Variants in USP44 observed in about 807,000 individuals in gnomAD.
USP44 encodes ubiquitin specific peptidase 44.
Under a neutral mutation model 69.0 loss-of-function variants are expected in USP44, and 61 were observed. The observed-to-expected ratio is 0.88, with a 90% CI of 0.72 to 1.09. The LOEUF is 1.09. USP44 is among the 50% of genes least tolerant of loss of function. The probability of loss-of-function intolerance (pLI) is 0.00; values close to 1 mark genes in which losing one functional copy is unlikely to be tolerated. For missense variants in USP44, 753 were observed against 849.9 expected (o/e 0.89, Z 1.42); for synonymous variants, 297 against 295.4 (o/e 1.01, Z -0.06).
At chr12:95,523,705 A>AAAAAAAAAAAG in intron 4 of USP44, among the ~76,000 whole-genome samples, 1 of 150,826 alleles carries the variant, frequency 6.6e-6, no homozygotes, top group South Asian at 2.1e-4. Context: ...AAAAAAAAAA[A>AAAAAAAAAAAG]AGAGATACAA....
At chr12:95,531,046 C>A (rs2077003686) in intron 2 of USP44, among the ~76,000 whole-genome samples, 1 of 152,092 alleles carries the variant, frequency 6.6e-6, no homozygotes, top group Admixed American at 6.6e-5. Context: ...CGCCTGTAGT[C>A]CCAGCTACTT....
chr12:95,519,683 C>T (rs1278463994), intron 5 of USP44, among the ~76,000 whole-genome samples: 12 of 150,532 alleles, frequency 8.0e-5, no homozygotes, highest in East Asian at 4.1e-4. Flanking sequence ...CCACCCGCCT[C>T]GGCCTCCCAA....
Position 95,533,338 on chromosome 12 carries a change from T to C in USP44, c.919A>G (p.Asn307Asp). ...FRQCFLKLDL[N>D]QWLAMTASEK... The stretch of plus-strand genomic sequence containing the variant: ...CTAGCAGTCATAGCCAGCCATTGGT[T>C]CAGATCAAGCTTTAAAAAACATTGT... The change falls in exon 2 of 6, where the codon AAC becomes GAC. Residue 307 changes from asparagine to aspartate, a missense_variant. Asn to Asp is a conservative substitution (Grantham distance 23). Transcript: ENST00000258499. 1.2e-6 allele frequency: 2 copies of C among 1,614,040 alleles called. No homozygotes were observed. Among genetic ancestry groups the C allele is most frequent in the Non-Finnish European group, 8.5e-7 (1 of 1,179,984 alleles).
intron 1 of USP44, among the ~76,000 whole-genome samples, chr12:95,549,740 G>T (rs1251274863): frequency 6.6e-6 from 1 of 152,178 alleles, no homozygotes; most frequent in Non-Finnish European, 1.5e-5. Flanking sequence ...TTCATCATCA[G>T]TTTTATTCTG....
chr12:95,548,896 C>G lies in USP44; in HGVS notation c.-71+2376G>C, dbSNP rs1310975167. 1 of 152,106 alleles carries G rather than the reference C, an allele frequency of 6.6e-6. No individual in the cohort carries two copies. Among genetic ancestry groups the G allele is most frequent in the African/African-American group, 2.4e-5 (1 of 41,444 alleles). 9.4% of individuals were successfully genotyped at this position (152,106 alleles called of 1,614,324 possible). On this transcript the variant is annotated intron_variant, in intron 1 of 5. Transcript: ENST00000258499. The surrounding 1 kb of genome is among the most constrained non-coding windows in gnomAD (Gnocchi z 4.1). ...GCGCAGCAGGCCCCGCCCCCTCCCA[C>G]AGCCCCACCCCTGCGCCGGCTCTTC...
Position 95,517,696 on chromosome 12 carries a change from C to A in USP44, c.*458G>T. On this transcript the variant is annotated 3_prime_UTR_variant, in exon 6 of 6. Transcript: ENST00000258499. Reference sequence around the variant, plus strand: ...GTGACTGAAGAATATTTAGGTGATACCTTGACATGTCACTTCAATAACTCC... The same window carrying A: ...GTGACTGAAGAATATTTAGGTGATAACTTGACATGTCACTTCAATAACTCC... 6.4e-6 allele frequency: 1 copy of A among 155,206 alleles called. No homozygotes were observed. The highest frequency in any genetic ancestry group is 1.4e-5 in the Non-Finnish European group (1 of 69,804). The allele number at this position is 155,206 out of a possible 1,614,324, so 9.6% of individuals were successfully genotyped here. A position where few individuals can be genotyped will look rare whatever the true frequency, so the allele number is the denominator to read the frequency against.
intron 4 of USP44, among the ~76,000 whole-genome samples, chr12:95,523,689 C>CAAAAAAAAAAAAAAA (rs927669685): frequency 9.0e-5 from 8 of 89,166 alleles, no homozygotes; most frequent in Non-Finnish European, 1.4e-4. Context: ...CTGTCTCTAC[C>CAAAAAAAAAAAAAAA]AAAAAAAAAA....
At position 95,516,888 on chromosome 12, in the gene USP44, T is replaced by A. The variant is rs989391769; in HGVS notation, c.*1266A>T. The A allele has an allele frequency of 1.3e-5, 2 of 152,120 alleles. No individual in the cohort carries two copies. The highest frequency in any genetic ancestry group is 2.9e-5 in the Non-Finnish European group (2 of 68,014). 9.4% of individuals were successfully genotyped at this position (152,120 alleles called of 1,614,324 possible). ...GACTTCAACCTGCAAATAAACCCAC[T>A]TATAAAAAAGGGATACATGATCTTC... is the stretch of plus-strand genomic sequence containing the variant. On this transcript the variant is annotated 3_prime_UTR_variant, in exon 6 of 6. Coordinates refer to ENST00000258499, the MANE Select transcript of USP44 (RefSeq NM_032147.5).
At chr12:95,538,653 G>A (rs1158379680) in intron 1 of USP44, among the ~76,000 whole-genome samples, 1 of 152,164 alleles carries the variant, frequency 6.6e-6, no homozygotes, top group African/African-American at 2.4e-5. Context: ...CACTTACCCT[G>A]TCTACTTATG....
chr12:95,541,447 C>CCAG (rs2077386244), intron 1 of USP44, among the ~76,000 whole-genome samples: 1 of 151,838 alleles, frequency 6.6e-6, no homozygotes, highest in Non-Finnish European at 1.5e-5. Flanking sequence ...GGCACAGTTG[C>CCAG]GTGTGCCTAT....
chr12:95,519,489 G>T (rs1448925205), intron 5 of USP44, among the ~76,000 whole-genome samples: 1 of 142,014 alleles, frequency 7.0e-6, no homozygotes, highest in Non-Finnish European at 1.5e-5. Context: ...ACCCAGGCTG[G>T]AGTACAGTGG....
chr12:95,541,941 G>A (rs2077404757), intron 1 of USP44, among the ~76,000 whole-genome samples: 1 of 143,296 alleles, frequency 7.0e-6, no homozygotes, highest in South Asian at 2.2e-4. Flanking sequence ...CAGCAGTGGT[G>A]TGATCTTGGC....
chr12:95,545,684 G>A (rs1364737084), intron 1 of USP44, among the ~76,000 whole-genome samples: 1 of 152,228 alleles, frequency 6.6e-6, no homozygotes, highest in East Asian at 1.9e-4. Flanking sequence ...GTCAAGCACA[G>A]TGCTTGGTTC....
In USP44 at chr12:95,533,769, CGAAA is replaced by C; in HGVS notation, c.484_487del (p.Phe162GlufsTer22). On this transcript the variant is annotated frameshift_variant, in exon 2 of 6. Coordinates refer to ENST00000258499, the MANE Select transcript of USP44 (RefSeq NM_032147.5). LOFTEE classifies it high-confidence loss of function. Reference sequence around the variant, plus strand: ...AATGGGTGATTGTTCAAACCATGTTCGAAAGATTTTACCCATTAGTATCCTTCTC... The same window carrying C: ...AATGGGTGATTGTTCAAACCATGTTCGATTTTACCCATTAGTATCCTTCTC... The C allele has an allele frequency of 6.2e-7, 1 of 1,614,048 alleles. No homozygotes were observed. The highest frequency in any genetic ancestry group is 8.5e-7 in the Non-Finnish European group (1 of 1,180,018).
intron 3 of USP44, among the ~76,000 whole-genome samples, chr12:95,525,048 A>T (rs1227998444): frequency 6.6e-6 from 1 of 152,224 alleles, no homozygotes; most frequent in Non-Finnish European, 1.5e-5. Flanking sequence ...ATAATGTGAT[A>T]GAACAAAGTA....
chr12:95,533,571 G>A lies in USP44; in HGVS notation c.686C>T (p.Ser229Phe). 1 of 1,613,612 alleles carries A rather than the reference G, an allele frequency of 6.2e-7. No homozygotes were observed. The highest frequency in any genetic ancestry group is 8.5e-7 in the Non-Finnish European group (1 of 1,179,946). ...LAQSTIIEIV[S>F]VQVPAQTPAS... ...TGGCGTTTGTGCTGGCACCTGAACA[G>A]AAACTATTTCTATTATGGTCGACTG... is the stretch of plus-strand genomic sequence containing the variant. Residue 229 changes from serine (S) to phenylalanine (F), a missense_variant, in exon 2 of 6, where the codon TCT (serine) becomes TTT (phenylalanine). Transcript: ENST00000258499.
Position 95,524,768 on chromosome 12 carries a change from A to G in USP44, c.1645T>C (p.Ser549Pro), listed in dbSNP as rs1161884392. The change falls in exon 4 of 6, where the codon TCC (serine) becomes CCC (proline). Residue 549 changes from serine (S) to proline (P), a missense_variant. Coordinates refer to ENST00000258499, the MANE Select transcript of USP44 (RefSeq NM_032147.5). ...GCTTCTGTGAGTACAACTGGTTTGG[A>G]GGAAAACCTTCTACGCTTTGCTGTA... is the stretch of plus-strand genomic sequence containing the variant. ...QCNSKRRRFS[S>P]KPVVLTEAQK... 3 of 1,609,690 alleles carry G rather than the reference A, an allele frequency of 1.9e-6. No homozygotes were observed. The highest frequency in any genetic ancestry group is 3.4e-5 in the Admixed American group (2 of 58,800).
chr12:95,549,111 G>A (rs904792880), intron 1 of USP44, among the ~76,000 whole-genome samples: 3 of 152,236 alleles, frequency 2.0e-5, no homozygotes, highest in African/African-American at 4.8e-5. Flanking sequence ...CCTGTGAGCC[G>A]CAGAATCATC....
At chr12:95,543,406 CAAAAAAAAAAA>C (rs60127958) in intron 1 of USP44, among the ~76,000 whole-genome samples, 17 of 43,164 alleles carry the variant, frequency 3.9e-4, no homozygotes, top group Admixed American at 5.2e-4. Flanking sequence ...GACTCTTTCT[CAAAAAAAAAAA>C]AAAAAAAAAA....
Sources: gnomAD v4.1 joint callset for allele counts (sites outside exome capture counted in the v4.1 genomes callset) on GRCh38, gnomAD v4.1.1 for gene constraint, Gnocchi (gnomAD v3.1) non-coding constraint, MANE v1.5 for transcripts, NCBI Gene and HGNC (gene_info 2026-07-23, HGNC 2026-07-21) for gene names.